CEP162: variants seen among roughly 807,000 people sequenced by gnomAD.
CEP162 encodes centrosomal protein of 162 kDa.
Under a neutral mutation model 169.2 loss-of-function variants are expected in CEP162, and 141 were observed. The ratio of observed to expected loss-of-function variants is 0.83; its 90% CI spans 0.73 to 0.96. CEP162 has a LOEUF of 0.96. Ranked by LOEUF, CEP162 falls within the 40% of genes least tolerant of loss-of-function variation. The probability of loss-of-function intolerance (pLI) is 0.00; values close to 1 mark genes in which losing one functional copy is unlikely to be tolerated. For missense variants in CEP162, 1,600 were observed against 1,587.2 expected (o/e 1.01, Z -0.14); for synonymous variants, 540 against 526.4 (o/e 1.03, Z -0.35).
intron 18 of CEP162, 51 bp downstream of exon 18, chr6:84,169,277 T>C (rs13218795): frequency 9.6e-6 from 10 of 1,038,036 alleles, no homozygotes; most frequent in Non-Finnish European, 1.4e-5. Flanking sequence ...AAATGGGGAT[T>C]TTTATAAAAC....
chr6:84,207,412 TTGTAGGGACA>T (rs1398310949), intron 6 of CEP162, among the ~76,000 whole-genome samples: 1 of 152,016 alleles, frequency 6.6e-6, no homozygotes, highest in Non-Finnish European at 1.5e-5. Context: ...TTCATGTCCT[TTGTAGGGACA>T]TGGATGAAGC....
chr6:84,156,773 A>ACACACACACACACACACACAC (rs57139625), intron 21 of CEP162, among the ~76,000 whole-genome samples: 3 of 137,338 alleles, frequency 2.2e-5, no homozygotes, highest in African/African-American at 8.6e-5. Context: ...CACACACACA[A>ACACACACACACACACACACAC]ACACACTATT....
At chr6:84,200,404 G>A (rs1337326840) in intron 9 of CEP162, among the ~76,000 whole-genome samples, 2 of 152,218 alleles carry the variant, frequency 1.3e-5, no homozygotes, top group Non-Finnish European at 2.9e-5. Flanking sequence ...GGGATGGGGT[G>A]TAGCTTTTTC....
At position 84,125,144 on chromosome 6, in the gene CEP162, G is replaced by A. The variant is rs1376031605; in HGVS notation, c.4138C>T (p.Leu1380Phe). The A allele has an allele frequency of 2.5e-6, 4 of 1,613,408 alleles. No individual in the cohort carries two copies. The Admixed American group carries it at 6.7e-5, about 27-fold the overall frequency. Residue 1380 changes from leucine (L) to phenylalanine (F), a missense_variant, in exon 27 of 27, where the codon CTC (leucine) becomes TTC (phenylalanine). Physicochemically the swap from Leu to Phe is conservative, Grantham distance 22 (BLOSUM62 0). Transcript: ENST00000403245. ...RTELDSILDVLRELHRQGVVV... is the reference protein window; with the variant it reads ...RTELDSILDVFRELHRQGVVV... Reference sequence around the variant, plus strand: ...ACTCCTTGCCGGTGCAGCTCTCGGAGAACATCTAATATTGAGTCTAGTTCT... The same window carrying A: ...ACTCCTTGCCGGTGCAGCTCTCGGAAAACATCTAATATTGAGTCTAGTTCT...
In CEP162 at chr6:84,152,638, A is replaced by C. The variant is rs1466271772; in HGVS notation, c.3536T>G (p.Leu1179Ter). ...VSEVLQENYR[L>*]KNELEGLISE... Reference sequence around the variant, plus strand: ...AATTAATCCTTCTAGCTCATTTTTTAATCTGTAGTTTTCTTGTAAAACTTC... The same window carrying C: ...AATTAATCCTTCTAGCTCATTTTTTCATCTGTAGTTTTCTTGTAAAACTTC... Residue 1179 changes from leucine to a stop codon, truncating the protein, a stop_gained, in exon 23 of 27, where the codon TTA becomes TGA. Coordinates refer to ENST00000403245, the MANE Select transcript of CEP162 (RefSeq NM_014895.4). LOFTEE classifies it high-confidence loss of function. 1.3e-6 allele frequency: 2 copies of C among 1,595,182 alleles called. No individual in the cohort carries two copies. Among genetic ancestry groups the C allele is most frequent in the Admixed American group, 1.8e-5 (1 of 57,024 alleles).
At chr6:84,126,344 AC>A (rs772949658) in intron 26 of CEP162, 33 bp downstream of exon 26, 2 of 1,495,062 alleles carry the variant, frequency 1.3e-6, no homozygotes, top group Non-Finnish European at 1.8e-6. Context: ...AAAAGTAAAG[AC>A]CTATATAAAT....
At chr6:84,130,656 T>C (rs1011590555) in intron 25 of CEP162, among the ~76,000 whole-genome samples, 14 of 152,220 alleles carry the variant, frequency 9.2e-5, no homozygotes, top group African/African-American at 2.2e-4. Context: ...GAGGTGTTTA[T>C]AGTATTCTCT....
chr6:84,127,044 C>G (rs763057546), intron 25 of CEP162, among the ~76,000 whole-genome samples: 10 of 152,116 alleles, frequency 6.6e-5, no homozygotes, highest in Non-Finnish European at 1.3e-4. Flanking sequence ...TAATGAAGTA[C>G]TGAGCCCTTT....
rs71736099 is a variant in CEP162, at chr6:84,156,743, G to GACACAC, written c.2782-1239_2782-1234dup. ...AAAGGAAAATAAATCGTATCAAAAA[G>GACACAC]ACACACACACACACACACACACACA... On this transcript the variant is annotated intron_variant, in intron 21 of 26. Transcript: ENST00000403245. Among the ~76,000 whole-genome samples the GACACAC allele has an allele frequency of 3.0e-3, 381 of 125,652 alleles. 2 individuals are homozygous for GACACAC. Among genetic ancestry groups the GACACAC allele is most frequent in the African/African-American group, 0.014 (363 of 25,190 alleles). 82.4% of individuals were successfully genotyped at this position (125,652 alleles called of 152,430 possible).
In CEP162 at chr6:84,153,895, G is replaced by A. The variant is rs1284518701; in HGVS notation, c.2995-716C>T. 4.6e-5 allele frequency among the ~76,000 whole-genome samples: 7 copies of A among 152,166 alleles called. 1 individual carries two copies. The South Asian group carries it at 8.3e-4, about 18-fold the overall frequency. ...GTAAAATAATGGGCCTGTGAACATA[G>A]TGCAGTGAGTGCAGAGGAGGCGACG... On this transcript the variant is annotated intron_variant, in intron 22 of 26. Coordinates refer to ENST00000403245, the MANE Select transcript of CEP162 (RefSeq NM_014895.4).
intron 21 of CEP162, among the ~76,000 whole-genome samples, chr6:84,156,918 A>G (rs1010469283): frequency 6.6e-6 from 1 of 152,092 alleles, no homozygotes; most frequent in Non-Finnish European, 1.5e-5. Flanking sequence ...CAATGTACAC[A>G]CATGTATATA....
At chr6:84,130,835 TTTC>T (rs1412429468) in intron 25 of CEP162, among the ~76,000 whole-genome samples, 5 of 152,178 alleles carry the variant, frequency 3.3e-5, no homozygotes, top group African/African-American at 1.2e-4. Context: ...TTTTGAAAGG[TTTC>T]TTGTGTCTCT....
chr6:84,177,735 C>A (rs1423655319), intron 13 of CEP162, among the ~76,000 whole-genome samples: 2 of 152,148 alleles, frequency 1.3e-5, no homozygotes, highest in Non-Finnish European at 2.9e-5. Flanking sequence ...CAGAGTTTTA[C>A]CATGTTGGCC....
chr6:84,175,925 T>C (rs1554169828), intron 13 of CEP162, among the ~76,000 whole-genome samples: 1 of 152,010 alleles, frequency 6.6e-6, no homozygotes, highest in Non-Finnish European at 1.5e-5. Flanking sequence ...TATTAAATTA[T>C]AAAAAAAGTG....
intron 2 of CEP162, among the ~76,000 whole-genome samples, chr6:84,226,082 G>A (rs1237721658): frequency 1.3e-5 from 2 of 151,316 alleles, no homozygotes; most frequent in African/African-American, 2.4e-5. Context: ...GACCAATAGA[G>A]TCTTTTACTG....
chr6:84,161,285 G>A (rs1588761107), intron 20 of CEP162, among the ~76,000 whole-genome samples: 1 of 152,130 alleles, frequency 6.6e-6, no homozygotes, highest in East Asian at 1.9e-4. Context: ...CAGAAGTTGA[G>A]GGATTGGCAG....
At chr6:84,189,846 G>A (rs1235272577) in intron 11 of CEP162, among the ~76,000 whole-genome samples, 2 of 152,262 alleles carry the variant, frequency 1.3e-5, no homozygotes, top group Non-Finnish European at 2.9e-5. Context: ...GTCTGGTGGG[G>A]ATGTGGAGAG....
At chr6:84,138,458 C>T (rs531929802) in intron 25 of CEP162, among the ~76,000 whole-genome samples, 41 of 152,280 alleles carry the variant, frequency 2.7e-4, no homozygotes, top group Admixed American at 5.2e-4. Flanking sequence ...TCATAATACA[C>T]AGGACGTCAG....
intron 3 of CEP162, among the ~76,000 whole-genome samples, chr6:84,217,079 G>T (rs562052470): frequency 2.0e-5 from 3 of 152,128 alleles, no homozygotes; most frequent in African/African-American, 7.2e-5. Context: ...CATCACGAAG[G>T]TTAAAATCTA....
Sources: gnomAD v4.1 joint callset for allele counts (sites outside exome capture counted in the v4.1 genomes callset) on GRCh38, gnomAD v4.1.1 for gene constraint, MANE v1.5 for transcripts, NCBI Gene and HGNC (gene_info 2026-07-23, HGNC 2026-07-21) for gene names.